The following ANXA8 variants were observed in gnomAD, a reference collection of about 807,000 sequenced individuals.
The protein encoded by ANXA8 is annexin A8, also known as VAC-beta.
Under a neutral mutation model 26.8 loss-of-function variants are expected in ANXA8, and 9 were observed. The ratio of observed to expected loss-of-function variants is 0.34; its 90% confidence interval spans 0.20 to 0.59. ANXA8 has a LOEUF of 0.59. Ranked by LOEUF, ANXA8 falls within the 20% of genes least tolerant of loss-of-function variation. The probability of loss-of-function intolerance (pLI) is 0.84; values close to 1 mark genes in which losing one functional copy is unlikely to be tolerated. For synonymous variants in ANXA8, 39 were observed against 94.8 expected (o/e 0.41, Z 3.42); for missense variants, 83 against 238.5 (o/e 0.35, Z 4.29).
chr10:47,576,840 T>C, the ANXA8 span, among the ~76,000 whole-genome samples: 1 of 148,944 alleles, frequency 6.7e-6, no homozygotes, highest in Non-Finnish European at 1.5e-5. Context: ...TTTTAAGAAA[T>C]AGTGACCAAA....
chr10:47,681,523 C>CTTT, the ANXA8 span, among the ~76,000 whole-genome samples: 93 of 81,262 alleles, frequency 1.1e-3, no homozygotes, highest in East Asian at 7.0e-3. Context: ...TTTATTTTTA[C>CTTT]TTTTTTTTTT....
At chr10:47,921,026 T>C in the ANXA8 span, 1 of 111,074 alleles carries the variant, frequency 9.0e-6, no homozygotes, top group African/African-American at 3.4e-5. Flanking sequence ...GCTGAGGAGG[T>C]CCTCGGAGAA....
At chr10:47,593,472 T>C in the ANXA8 span, among the ~76,000 whole-genome samples, 2 of 149,790 alleles carry the variant, frequency 1.3e-5, no homozygotes, top group Non-Finnish European at 1.5e-5. Context: ...AGAAGTTGTT[T>C]CTCATGATTC....
the ANXA8 span, among the ~76,000 whole-genome samples, chr10:47,566,773 C>T: frequency 1.8e-3 from 227 of 127,606 alleles, no homozygotes; most frequent in African/African-American, 6.7e-3. Flanking sequence ...CCAACTCCTG[C>T]CAGAGCCCCA....
At chr10:47,969,828 G>C in the ANXA8 span, among the ~76,000 whole-genome samples, 3 of 151,326 alleles carry the variant, frequency 2.0e-5, no homozygotes, top group African/African-American at 7.2e-5. Flanking sequence ...CGATCCTCCT[G>C]CCTCAGCCTC....
At chr10:47,660,383 T>TTTAC in the ANXA8 span, among the ~76,000 whole-genome samples, 5 of 151,186 alleles carry the variant, frequency 3.3e-5, no homozygotes, top group African/African-American at 1.2e-4. Context: ...AAAAGTGGTA[T>TTTAC]TTTCTTTCTT....
chr10:47,942,357 C>A, the ANXA8 span, among the ~76,000 whole-genome samples: 1 of 144,772 alleles, frequency 6.9e-6, no homozygotes, highest in Non-Finnish European at 1.5e-5. Flanking sequence ...ACACCTTTTG[C>A]AAAATTGCTT....
the ANXA8 span, among the ~76,000 whole-genome samples, chr10:47,558,500 G>C: frequency 6.6e-6 from 1 of 151,176 alleles, no homozygotes; most frequent in East Asian, 2.0e-4. Context: ...CACTAGTAAT[G>C]CATCAATGGA....
At chr10:47,751,135 C>T in the ANXA8 span, 1 of 151,882 alleles carries the variant, frequency 6.6e-6, no homozygotes, top group African/African-American at 2.4e-5. Context: ...ATGCCACACC[C>T]ACCACCCCTG....
chr10:47,533,224 C>CACACACACACACACACACACACA, the ANXA8 span, among the ~76,000 whole-genome samples: 1 of 133,090 alleles, frequency 7.5e-6, no homozygotes, highest in African/African-American at 3.0e-5. Flanking sequence ...CACACACACA[C>CACACACACACACACACACACACA]CCCCGCAGAC....
the ANXA8 span, among the ~76,000 whole-genome samples, chr10:47,756,409 G>A: frequency 3.9e-5 from 5 of 127,512 alleles, no homozygotes; most frequent in Non-Finnish European, 8.3e-5. Context: ...CTGCGGCCCA[G>A]GCGGGGCTCC....
the ANXA8 span, among the ~76,000 whole-genome samples, chr10:47,678,802 G>A: frequency 1.3e-5 from 2 of 149,890 alleles, no homozygotes; most frequent in East Asian, 2.0e-4. Flanking sequence ...GCACTTTGGG[G>A]GGCCGAGGGG....
the ANXA8 span, among the ~76,000 whole-genome samples, chr10:47,663,287 C>T: frequency 6.7e-5 from 10 of 148,562 alleles, no homozygotes; most frequent in East Asian, 3.9e-4. Flanking sequence ...CTGCTGCTGT[C>T]GCTCACTGGT....
chr10:47,489,073 A>C (rs1315368961), upstream of ANXA8, among the ~76,000 whole-genome samples: 1 of 149,382 alleles, frequency 6.7e-6, no homozygotes, highest in African/African-American at 2.5e-5. Flanking sequence ...GCTGGAGTGC[A>C]GTGGCATGAT....
the ANXA8 span, chr10:47,589,391 C>T: frequency 6.8e-6 from 1 of 146,304 alleles, no homozygotes; most frequent in Admixed American, 6.6e-5. Flanking sequence ...AAGGAGGGAC[C>T]CAGACACAGT....
the ANXA8 span, among the ~76,000 whole-genome samples, chr10:47,647,882 C>G: frequency 6.6e-6 from 1 of 151,838 alleles, no homozygotes; most frequent in Non-Finnish European, 1.5e-5. Context: ...CTGTGGAAAG[C>G]AAAGAAAATG....
At chr10:47,743,177 A>G in the ANXA8 span, among the ~76,000 whole-genome samples, 2 of 139,268 alleles carry the variant, frequency 1.4e-5, no homozygotes, top group African/African-American at 2.6e-5. Flanking sequence ...TCTCAAAAAA[A>G]AAAAAAAAAA....
chr10:47,671,760 C>T, the ANXA8 span, among the ~76,000 whole-genome samples: 4 of 151,828 alleles, frequency 2.6e-5, no homozygotes, highest in South Asian at 2.1e-4. Flanking sequence ...AGTAGTCTTT[C>T]TTAACTATAT....
At chr10:47,556,193 T>G in the ANXA8 span, among the ~76,000 whole-genome samples, 2 of 151,890 alleles carry the variant, frequency 1.3e-5, no homozygotes, top group African/African-American at 2.4e-5. Flanking sequence ...ACTAGGCATG[T>G]ACTTCTCTCC....
Sources: allele counts gnomAD v4.1 joint callset (sites outside exome capture counted in the v4.1 genomes callset), GRCh38; gene constraint gnomAD v4.1.1; transcripts MANE v1.5; gene names NCBI Gene and HGNC (gene_info 2026-07-23, HGNC 2026-07-21).